Variants in GDNF observed in about 807,000 individuals in gnomAD.
The protein encoded by GDNF is glial cell derived neurotrophic factor, also known as glial cell line-derived neurotrophic factor.
In GDNF, 5 loss-of-function variants were observed where a neutral mutation model predicts 13.7. That is an observed-to-expected ratio of 0.36 (90% CI 0.19 to 0.77). The LOEUF (loss-of-function observed/expected upper bound fraction) is 0.77, where lower values mean the gene tolerates loss of function less well. GDNF is among the 30% of genes least tolerant of loss of function. The pLI is 0.51. For synonymous variants in GDNF, 122 were observed against 112.5 expected (o/e 1.08, Z -0.53); for missense variants, 246 against 274.3 (o/e 0.90, Z 0.73).
At position 37,834,764 on chromosome 5, in the gene GDNF, C is replaced by T. The variant is rs1750643430; in HGVS notation, c.33G>A (p.Leu11=). MKLWDVVAVC[L]VLLHTASAFP... is the part of the protein sequence containing the mutation. ...AGGCGGACGCGGTGTGGAGCAGCAC[C>T]AGGCAGACAGCCACGACATCCCATA... Residue 11 remains leucine, a synonymous_variant, in exon 2 of 3, where the codon CTG becomes CTA. Transcript: ENST00000326524. 6.2e-7 allele frequency: 1 copy of T among 1,613,228 alleles called. No individual in the cohort carries two copies. Among genetic ancestry groups the T allele is most frequent in the Non-Finnish European group, 8.5e-7 (1 of 1,179,706 alleles).
chr5:37,840,009 C>G lies in GDNF; in HGVS notation c.-529G>C, dbSNP rs1750842604. Reference sequence around the variant, plus strand: ...CCACGTCAACCGGCGCGGGGAGTCCCGTGAAGACATGAGGGCGCCAGGAGC... The same window carrying G: ...CCACGTCAACCGGCGCGGGGAGTCCGGTGAAGACATGAGGGCGCCAGGAGC... On this transcript the variant is annotated 5_prime_UTR_variant, in exon 1 of 3. Transcript: ENST00000326524. This position sits in a 1 kb window ranked among gnomAD's most constrained non-coding sequence, Gnocchi z 4.4. 6.7e-6 allele frequency: 1 copy of G among 148,486 alleles called. No homozygotes were observed. Among genetic ancestry groups the G allele is most frequent in the Non-Finnish European group, 1.5e-5 (1 of 67,410 alleles). The allele number at this position is 148,486 out of a possible 1,614,324, so 9.2% of individuals were successfully genotyped here.
chr5:37,831,202 C>T (rs1734196211), intron 2 of GDNF, among the ~76,000 whole-genome samples: 1 of 152,150 alleles, frequency 6.6e-6, no homozygotes, highest in African/African-American at 2.4e-5. Flanking sequence ...TCCAGTTGCA[C>T]AAAAAATTCA....
intron 2 of GDNF, 28 bp downstream of exon 2, chr5:37,834,618 C>A (rs569412792): frequency 7.5e-5 from 110 of 1,467,572 alleles, no homozygotes; most frequent in Non-Finnish European, 9.2e-5. Flanking sequence ...CGCCGGCGGC[C>A]CCCCCGCGGG....
In GDNF at chr5:37,834,839, G is replaced by C; in HGVS notation, c.-26-17C>G. 1 of 1,611,000 alleles carries C rather than the reference G, an allele frequency of 6.2e-7. No homozygotes were observed. Among genetic ancestry groups the C allele is most frequent in the African/African-American group, 1.3e-5 (1 of 74,896 alleles). On this transcript the variant is annotated splice_polypyrimidine_tract_variant and intron_variant, in intron 1 of 2. Transcript: ENST00000326524. ...CGGCGGCACCTGCGCGGGCAGGCGGGAGGTGGGGGAGAGAACCGCAGAATG... is the reference window on the plus strand; with the variant it reads ...CGGCGGCACCTGCGCGGGCAGGCGGCAGGTGGGGGAGAGAACCGCAGAATG...
chr5:37,829,097 C>A (rs544203511), intron 2 of GDNF, among the ~76,000 whole-genome samples: 14 of 152,356 alleles, frequency 9.2e-5, no homozygotes, highest in African/African-American at 3.4e-4. Context: ...TATAGTATCA[C>A]ACAATCTGGT....
At chr5:37,834,941 A>G in intron 1 of GDNF, 119 bp from the exon 2 acceptor site, 1 of 910,922 alleles carries the variant, frequency 1.1e-6, no homozygotes, top group South Asian at 1.6e-5. Flanking sequence ...GCACCGCTGC[A>G]GGCCAGCGGC....
At chr5:37,832,999 T>C (rs1057344077) in intron 2 of GDNF, among the ~76,000 whole-genome samples, 2 of 152,234 alleles carry the variant, frequency 1.3e-5, no homozygotes, top group Non-Finnish European at 2.9e-5. Flanking sequence ...CTCTTTATGG[T>C]ACAGTTCATT....
chr5:37,816,434 G>T (rs1161084386), intron 2 of GDNF, among the ~76,000 whole-genome samples: 1 of 152,208 alleles, frequency 6.6e-6, no homozygotes, highest in Non-Finnish European at 1.5e-5. Context: ...AGTCCATGCA[G>T]AGCTTGCTGT....
intron 2 of GDNF, among the ~76,000 whole-genome samples, chr5:37,830,251 C>T (rs1750475688): frequency 6.6e-6 from 1 of 152,206 alleles, no homozygotes. Context: ...CAGGTAGCCT[C>T]CAACTCACAA....
chr5:37,813,666 A>G lies in GDNF; in HGVS notation c.*1985T>C, dbSNP rs1490233453. The G allele has an allele frequency of 1.3e-5, 2 of 150,092 alleles. No individual in the cohort carries two copies. Among genetic ancestry groups the G allele is most frequent in the Non-Finnish European group, 2.9e-5 (2 of 68,328 alleles). The allele number at this position is 150,092 out of a possible 1,614,324, so 9.3% of individuals were successfully genotyped here. A position where few individuals can be genotyped will look rare whatever the true frequency, so the allele number is the denominator to read the frequency against. On this transcript the variant is annotated 3_prime_UTR_variant, in exon 3 of 3. Coordinates refer to ENST00000326524, the MANE Select transcript of GDNF (RefSeq NM_000514.4). ...CTGCAGCCTCGACCTTCTGGACTCA[A>G]GTGATCCTCCTTCAGCCTCTTGAGT...
chr5:37,823,762 A>C (rs1332661959), intron 2 of GDNF, among the ~76,000 whole-genome samples: 1 of 152,218 alleles, frequency 6.6e-6, no homozygotes, highest in Non-Finnish European at 1.5e-5. Context: ...GTAGTCACTT[A>C]ACCCTTCTGA....
chr5:37,835,340 C>G (rs1750668277), intron 1 of GDNF: 4 of 768,516 alleles, frequency 5.2e-6, no homozygotes, highest in Non-Finnish European at 7.6e-6. Context: ...TCCCCTGCCT[C>G]GGGTCCCAAC....
At chr5:37,816,255 C>T (rs965863829) in intron 2 of GDNF, 120 bp from the exon 3 acceptor site, 26 of 929,576 alleles carry the variant, frequency 2.8e-5, no homozygotes, top group Middle Eastern at 3.0e-4. Context: ...AACTATCAGC[C>T]GATTAAGCTA....
chr5:37,835,788 G>A, intron 1 of GDNF: 1 of 779,214 alleles, frequency 1.3e-6, no homozygotes. Context: ...CCGCGCCCCC[G>A]TCACGCCTGG....
chr5:37,818,588 C>A (rs1750013365), intron 2 of GDNF, among the ~76,000 whole-genome samples: 1 of 152,108 alleles, frequency 6.6e-6, no homozygotes, highest in African/African-American at 2.4e-5. Context: ...CCATAGCATC[C>A]CCCATCCTAG....
At chr5:37,833,264 A>T (rs2111713173) in intron 2 of GDNF, among the ~76,000 whole-genome samples, 1 of 152,254 alleles carries the variant, frequency 6.6e-6, no homozygotes, top group Non-Finnish European at 1.5e-5. Context: ...GTTTTGGAAG[A>T]CCCGGCACTA....
intron 2 of GDNF, among the ~76,000 whole-genome samples, chr5:37,831,105 G>T (rs898487485): frequency 3.3e-5 from 5 of 152,256 alleles, no homozygotes; most frequent in Admixed American, 1.3e-4. Context: ...CTACCAAACT[G>T]GTAGAATATA....
intron 2 of GDNF, among the ~76,000 whole-genome samples, chr5:37,817,060 C>T (rs72745198): frequency 0.034 from 5,138 of 152,246 alleles, 162 homozygotes; most frequent in African/African-American, 0.079. Context: ...GGGTGAGGTC[C>T]AGCCTCAGCT....
chr5:37,816,213 C>T (rs781131051), intron 2 of GDNF, 78 bp from the exon 3 acceptor site: 21 of 1,500,302 alleles, frequency 1.4e-5, no homozygotes, highest in Non-Finnish European at 1.9e-5. Flanking sequence ...AAAGTGCCCC[C>T]CTAAAGTCAG....
Sources: allele counts gnomAD v4.1 joint callset (sites outside exome capture counted in the v4.1 genomes callset), GRCh38; gene constraint gnomAD v4.1.1; non-coding constraint Gnocchi (gnomAD v3.1); transcripts MANE v1.5; gene names NCBI Gene and HGNC (gene_info 2026-07-23, HGNC 2026-07-21).